PROSER1: variants seen among roughly 807,000 people sequenced by gnomAD.
The protein encoded by PROSER1 is proline and serine rich 1.
A neutral mutation model predicts 71.8 loss-of-function variants in PROSER1; 36 were observed. The observed-to-expected ratio is 0.50, with a 90% CI of 0.38 to 0.66. The LOEUF is 0.66. Ranked by LOEUF, PROSER1 falls within the 30% of genes least tolerant of loss-of-function variation. PROSER1 has a pLI of 0.00. For synonymous variants in PROSER1, 490 were observed against 452.4 expected (o/e 1.08, Z -1.06); for missense variants, 1,107 against 1,135.0 (o/e 0.98, Z 0.35).
At position 39,029,347 on chromosome 13, in the gene PROSER1, A is replaced by T; in HGVS notation, c.209T>A (p.Val70Glu). The T allele has an allele frequency of 1.3e-6, 2 of 1,498,846 alleles. No homozygotes were observed. 92.8% of individuals were successfully genotyped at this position (1,498,846 alleles called of 1,614,324 possible). A position where few individuals can be genotyped will look rare whatever the true frequency, so the allele number is the denominator to read the frequency against. ...AGTGAAACAGTTGAGTATATTGACC[A>T]CTTCTGTTGGCTGGACAGCCACCAT... is the stretch of plus-strand genomic sequence containing the variant. Reference protein sequence around the residue: ...HKMVAVQPTEVVNILNCFTFS... With the variant: ...HKMVAVQPTEEVNILNCFTFS... The change falls in exon 4 of 13, where the codon GTG becomes GAG. Residue 70 changes from valine (V) to glutamate (E), a missense_variant. Physicochemically the swap from Val to Glu is moderately radical, Grantham distance 121. Transcript: ENST00000352251.
At chr13:39,016,567 A>G (rs1870017582) in intron 10 of PROSER1, among the ~76,000 whole-genome samples, 1 of 152,218 alleles carries the variant, frequency 6.6e-6, no homozygotes, top group Admixed American at 6.5e-5. Flanking sequence ...GGTACTTACA[A>G]CAACTAACCT....
rs1243626654 is a variant in PROSER1 at position 39,024,550 on chromosome 13, G to C, written c.487C>G (p.Pro163Ala). The C allele has an allele frequency of 1.3e-6, 2 of 1,540,218 alleles. No individual in the cohort carries two copies. The highest frequency in any genetic ancestry group is 3.8e-5 in the Admixed American group (2 of 52,478). The change falls in exon 7 of 13, where the codon CCT becomes GCT. Residue 163 changes from proline (P) to alanine (A), a missense_variant. Coordinates refer to ENST00000352251, the MANE Select transcript of PROSER1 (RefSeq NM_025138.5). Reference protein sequence around the residue: ...SRINGIFPGTPLKKDGEECTN... With the variant: ...SRINGIFPGTALKKDGEECTN... The stretch of plus-strand genomic sequence containing the variant: ...CATTCTTCACCATCTTTTTTCAAAG[G>C]AGTTCCCTATTAAAAAAAAAAAAAA...
chr13:39,028,899 A>G (rs566636433), intron 4 of PROSER1: 1 of 158,602 alleles, frequency 6.3e-6, no homozygotes, highest in African/African-American at 2.4e-5. Context: ...TTAAGTGGGT[A>G]TGAGCCTTAT....
chr13:39,014,057 T>C lies in PROSER1; in HGVS notation c.1195A>G (p.Thr399Ala), dbSNP rs1289781613. 1 of 1,613,940 alleles carries C rather than the reference T, an allele frequency of 6.2e-7. No homozygotes were observed. The change falls in exon 11 of 13, where the codon ACT becomes GCT. Residue 399 changes from threonine to alanine, a missense_variant. Transcript: ENST00000352251. ...TLGSSEAFAS[T>A]SAPFTSLPFS... The stretch of plus-strand genomic sequence containing the variant: ...GGGAGGCTAGTGAAAGGTGCAGAAG[T>C]AGAAGCAAATGCTTCACTGGAACCA...
rs746321138 is a variant in PROSER1 at position 39,034,198 on chromosome 13, TA to T, written c.46-3del. The T allele has an allele frequency of 0.034, 39,025 of 1,137,690 alleles. 1 individual carries two copies. Among genetic ancestry groups the T allele is most frequent in the South Asian group, 0.058 (3,409 of 59,060 alleles). The allele number at this position is 1,137,690 out of a possible 1,614,324, so 70.5% of individuals were successfully genotyped here. On this transcript the variant is annotated splice_region_variant and splice_polypyrimidine_tract_variant and intron_variant, in intron 1 of 12. Transcript: ENST00000352251. ...TAATTTGTATTCTGTCAAAACAGCCTAAAAAAAAAAAACACACACACACAGA... is the reference window on the plus strand; with the variant it reads ...TAATTTGTATTCTGTCAAAACAGCCTAAAAAAAAAAACACACACACACAGA...
At chr13:39,030,120 A>C (rs1489416946) in intron 3 of PROSER1, among the ~76,000 whole-genome samples, 1 of 152,192 alleles carries the variant, frequency 6.6e-6, no homozygotes, top group Non-Finnish European at 1.5e-5. Context: ...ACATACTTTT[A>C]TGTACTACCA....
chr13:39,013,641 C>T lies in PROSER1; in HGVS notation c.1611G>A (p.Leu537=). Residue 537 remains leucine (L), a synonymous_variant, in exon 11 of 13, where the codon CTG becomes CTA. Coordinates refer to ENST00000352251, the MANE Select transcript of PROSER1 (RefSeq NM_025138.5). ...CCACGGGAGACGGCAGGCCTGGGAA[C>T]AGGGCCAACCCTGGAGTGGAAGTCC... The part of the protein sequence containing the change: ...PQRTSTPGLA[L]FPGLPSPVAN... 6.2e-7 allele frequency: 1 copy of T among 1,614,114 alleles called. No individual in the cohort carries two copies. Among genetic ancestry groups the T allele is most frequent in the Non-Finnish European group, 8.5e-7 (1 of 1,179,996 alleles).
chr13:39,022,624 C>T (rs1037920259), intron 8 of PROSER1: 1 of 508,224 alleles, frequency 2.0e-6, no homozygotes, highest in Non-Finnish European at 3.5e-6. Context: ...CTATTTCCCA[C>T]TGCATGCTCA....
chr13:39,028,722 G>A (rs979410180), intron 4 of PROSER1, among the ~76,000 whole-genome samples: 6 of 152,066 alleles, frequency 3.9e-5, no homozygotes, highest in Admixed American at 3.9e-4. Flanking sequence ...ATACAAAAAG[G>A]ACTTAAAAAT....
chr13:39,029,284 G>T lies in PROSER1; in HGVS notation c.272C>A (p.Ala91Asp). 6.9e-7 allele frequency: 1 copy of T among 1,442,998 alleles called. No individual in the cohort carries two copies. Among genetic ancestry groups the T allele is most frequent in the Non-Finnish European group, 9.3e-7 (1 of 1,073,868 alleles). The allele number at this position is 1,442,998 out of a possible 1,614,324, so 89.4% of individuals were successfully genotyped here. A position where few individuals can be genotyped will look rare whatever the true frequency, so the allele number is the denominator to read the frequency against. Residue 91 changes from alanine (A) to aspartate (D), a missense_variant, in exon 4 of 13, where the codon GCC (alanine) becomes GAC (aspartate). Ala to Asp is a moderately radical substitution (Grantham distance 126). Coordinates refer to ENST00000352251, the MANE Select transcript of PROSER1 (RefSeq NM_025138.5). ...KDKLVALELL[A>D]SNIIDAQNSR... ...AAAAAAAAAAAGAAATACTTACGAGGCTAACAGTTCAAGAGCAACTAGTTT... is the reference window on the plus strand; with the variant it reads ...AAAAAAAAAAAGAAATACTTACGAGTCTAACAGTTCAAGAGCAACTAGTTT...
Position 39,013,268 on chromosome 13 carries a change from C to G in PROSER1, c.1984G>C (p.Gly662Arg). 2 of 1,614,036 alleles carry G rather than the reference C, an allele frequency of 1.2e-6. No homozygotes were observed. Among genetic ancestry groups the G allele is most frequent in the Non-Finnish European group, 1.7e-6 (2 of 1,180,008 alleles). The change falls in exon 11 of 13, where the codon GGT becomes CGT. Residue 662 changes from glycine (G) to arginine (R), a missense_variant. Physicochemically the swap from Gly to Arg is moderately radical, Grantham distance 125 (BLOSUM62 -2). Coordinates refer to ENST00000352251, the MANE Select transcript of PROSER1 (RefSeq NM_025138.5). ...AAAGGAGTACTCAAGCTGGAGAGAC[C>G]TGACAATGCAGGATTAAGGCAAGCA... Reference protein sequence around the residue: ...LSACLNPALSGLSSLSTPLNG... With the variant: ...LSACLNPALSRLSSLSTPLNG...
intron 2 of PROSER1, among the ~76,000 whole-genome samples, chr13:39,033,162 C>T (rs900967998): frequency 1.3e-5 from 2 of 152,160 alleles, no homozygotes; most frequent in African/African-American, 4.8e-5. Context: ...TCAAGTGATC[C>T]GCCTGCCTTG....
At chr13:39,026,158 G>T in intron 6 of PROSER1, 119 bp downstream of exon 6, 2 of 628,794 alleles carry the variant, frequency 3.2e-6, no homozygotes, top group Non-Finnish European at 2.8e-6. Context: ...TCAATCAGTG[G>T]TGAGCCTGTG....
chr13:39,014,424 T>G lies in PROSER1; in HGVS notation c.828A>C (p.Ser276=). 1 of 1,614,002 alleles carries G rather than the reference T, an allele frequency of 6.2e-7. No individual in the cohort carries two copies. Among genetic ancestry groups the G allele is most frequent in the South Asian group, 1.1e-5 (1 of 91,062 alleles). ...TAGGAACAGGAGTTGCAGCAGGTGT[T>G]GAAGGATTAGAACCATGAGGAGAAA... The part of the protein sequence containing the change: ...QLFSPHGSNP[S]TPAATPVPTA... The change falls in exon 11 of 13, where the codon TCA becomes TCC. Residue 276 remains serine, a synonymous_variant. Transcript: ENST00000352251.
At chr13:39,025,008 T>C (rs762166818) in intron 6 of PROSER1, among the ~76,000 whole-genome samples, 2 of 152,198 alleles carry the variant, frequency 1.3e-5, no homozygotes, top group Non-Finnish European at 2.9e-5. Flanking sequence ...ATAGTTGTTA[T>C]GCTGCATTGT....
rs943849182 is a variant in PROSER1, at chr13:39,018,608, G to T, written c.731-1064C>A. On this transcript the variant is annotated intron_variant, in intron 9 of 12. Coordinates refer to ENST00000352251, the MANE Select transcript of PROSER1 (RefSeq NM_025138.5). ...GAATAATAAAGATTAGAAATAAAATGACTAAAAGTTAAACTATGGTTGGAA... is the reference window on the plus strand; with the variant it reads ...GAATAATAAAGATTAGAAATAAAATTACTAAAAGTTAAACTATGGTTGGAA... Among the ~76,000 whole-genome samples, 10 of 151,210 alleles carry T rather than the reference G, an allele frequency of 6.6e-5. No homozygotes were observed. In the East Asian group the frequency reaches 1.9e-3, roughly 29 times the overall value.
intron 7 of PROSER1, 145 bp from the exon 8 acceptor site, chr13:39,023,275 G>A (rs1458006476): frequency 1.0e-5 from 6 of 575,000 alleles, no homozygotes; most frequent in African/African-American, 9.4e-5. Flanking sequence ...AACAAATGAG[G>A]GAAATTTCTT....
chr13:39,023,229 T>C lies in PROSER1; in HGVS notation c.565-99A>G, dbSNP rs910495717. 13 of 845,090 alleles carry C rather than the reference T, an allele frequency of 1.5e-5. No individual in the cohort carries two copies. In the African/African-American group the frequency reaches 2.0e-4, roughly 13 times the overall value. 52.3% of individuals were successfully genotyped at this position (845,090 alleles called of 1,614,324 possible). ...ATATTTAGTCCTAATATGCTAAAAA[T>C]GTCCCCGCATATCATACTACTGGAC... On this transcript the variant is annotated intron_variant, in intron 7 of 12. Coordinates refer to ENST00000352251, the MANE Select transcript of PROSER1 (RefSeq NM_025138.5).
rs1460288287 is a variant in PROSER1, at chr13:39,024,578, G to A, written c.481-22C>T. ...TTCCCTATTAAAAAAAAAAAAAAAAGGTAATTGAAACTTAAAAAAAAAACC... is the reference window on the plus strand; with the variant it reads ...TTCCCTATTAAAAAAAAAAAAAAAAAGTAATTGAAACTTAAAAAAAAAACC... On this transcript the variant is annotated intron_variant, in intron 6 of 12. Transcript: ENST00000352251. 3.6e-5 allele frequency: 45 copies of A among 1,250,118 alleles called. No homozygotes were observed. The African/African-American group carries it at 5.2e-4, about 15-fold the overall frequency. 77.4% of individuals were successfully genotyped at this position (1,250,118 alleles called of 1,614,324 possible).
Sources: gnomAD v4.1 joint callset for allele counts (sites outside exome capture counted in the v4.1 genomes callset) on GRCh38, gnomAD v4.1.1 for gene constraint, MANE v1.5 for transcripts, NCBI Gene and HGNC (gene_info 2026-07-23, HGNC 2026-07-21) for gene names.